The following FOXP2 variants were observed in gnomAD, a reference collection of about 807,000 sequenced individuals.
FOXP2 encodes the protein forkhead box protein P2.
In FOXP2, 12 loss-of-function variants were observed where a neutral mutation model predicts 115.8. The ratio of observed to expected loss-of-function variants is 0.10; its 90% CI spans 0.07 to 0.17. The LOEUF (loss-of-function observed/expected upper bound fraction) is 0.17. Among genes scored for constraint, FOXP2 ranks in the 10% least tolerant of loss-of-function variants. FOXP2 has a pLI of 1.00. For missense variants in FOXP2, 629 were observed against 843.5 expected, an observed-to-expected ratio of 0.75 and a Z score of 3.15; for synonymous variants, 328 against 297.7, an observed-to-expected ratio of 1.10 and a Z score of -1.05.
chr7:114,382,168 C>T (rs940635181), intron 2 of FOXP2, among the ~76,000 whole-genome samples: 3 of 152,242 alleles, frequency 2.0e-5, no homozygotes, highest in South Asian at 2.1e-4. Context: ...TAGGACCCTT[C>T]GGACAGTGAC....
At chr7:114,210,940 G>A (rs1045862665) in intron 1 of FOXP2, among the ~76,000 whole-genome samples, 17 of 152,216 alleles carry the variant, frequency 1.1e-4, no homozygotes, top group African/African-American at 1.2e-4. Flanking sequence ...AAACAGTTGT[G>A]CTGCATTGTG....
At chr7:114,405,896 C>T (rs971960618) in intron 2 of FOXP2, among the ~76,000 whole-genome samples, 22 of 151,628 alleles carry the variant, frequency 1.5e-4, no homozygotes, top group African/African-American at 5.3e-4. Flanking sequence ...CATGTGATAC[C>T]TGTATAGTCT....
At chr7:114,554,472 T>C (rs1800362458) in intron 3 of FOXP2, among the ~76,000 whole-genome samples, 1 of 152,214 alleles carries the variant, frequency 6.6e-6, no homozygotes, top group Non-Finnish European at 1.5e-5. Context: ...TAATTTCTAA[T>C]AGTAACACAG....
intron 2 of FOXP2, among the ~76,000 whole-genome samples, chr7:114,429,297 A>G (rs13238891): frequency 0.012 from 1,832 of 151,574 alleles, 20 homozygotes; most frequent in Middle Eastern, 0.037. Context: ...GAAAGCTAGG[A>G]TATCTTTAAA....
At chr7:114,518,626 C>T (rs1022021331) in intron 2 of FOXP2, among the ~76,000 whole-genome samples, 5 of 152,038 alleles carry the variant, frequency 3.3e-5, no homozygotes, top group African/African-American at 1.2e-4. Context: ...CCTCAGTCTC[C>T]TGAGTAGCTG....
At chr7:114,170,823 A>G (rs1562990600) in intron 1 of FOXP2, among the ~76,000 whole-genome samples, 1 of 152,266 alleles carries the variant, frequency 6.6e-6, no homozygotes, top group African/African-American at 2.4e-5. Flanking sequence ...AACTTCATAA[A>G]GTTTGAGGTG....
At position 114,151,416 on chromosome 7, in the gene FOXP2, C is replaced by T. The variant is rs141430829; in HGVS notation, c.-246-11528C>T. Among the ~76,000 whole-genome samples, 554 of 152,092 alleles carry T rather than the reference C, an allele frequency of 3.6e-3. 5 individuals carry two copies. Among genetic ancestry groups the T allele is most frequent in the African/African-American group, 0.013 (530 of 41,512 alleles). On this transcript the variant is annotated intron_variant, in intron 1 of 19. Transcript: ENST00000635638. Reference sequence around the variant, plus strand: ...AAAAATGACTATTTTTGTGAAACTTCTATTTAAGAAGTCATTGATTATTTT... The same window carrying T: ...AAAAATGACTATTTTTGTGAAACTTTTATTTAAGAAGTCATTGATTATTTT...
intron 1 of FOXP2, among the ~76,000 whole-genome samples, chr7:114,188,185 G>T (rs963579349): frequency 1.3e-5 from 2 of 152,142 alleles, no homozygotes; most frequent in African/African-American, 4.8e-5. Context: ...AGTGTAAATT[G>T]GATCATGTCA....
At chr7:114,271,793 T>C (rs1216405644) in intron 1 of FOXP2, among the ~76,000 whole-genome samples, 9 of 119,226 alleles carry the variant, frequency 7.5e-5, no homozygotes, top group African/African-American at 3.1e-4. Flanking sequence ...TAAATGTATG[T>C]CATATTATTT....
At chr7:114,243,395 C>A (rs1043880544) in intron 1 of FOXP2, among the ~76,000 whole-genome samples, 1 of 152,044 alleles carries the variant, frequency 6.6e-6, no homozygotes, top group Non-Finnish European at 1.5e-5. Context: ...GAAATAAGAG[C>A]CCAGGTTGAT....
chr7:114,447,886 T>A (rs1468974976), intron 2 of FOXP2, among the ~76,000 whole-genome samples: 1 of 152,132 alleles, frequency 6.6e-6, no homozygotes, highest in Non-Finnish European at 1.5e-5. Context: ...TAAATTTTGT[T>A]GAATGCAAAT....
intron 3 of FOXP2, among the ~76,000 whole-genome samples, chr7:114,580,108 A>T (rs1446067907): frequency 1.3e-5 from 2 of 152,214 alleles, no homozygotes; most frequent in African/African-American, 4.8e-5. Flanking sequence ...TTGAGTAAGG[A>T]AGTGGATGTA....
At chr7:114,636,343 A>T (rs181387862) in intron 6 of FOXP2, among the ~76,000 whole-genome samples, 10 of 152,288 alleles carry the variant, frequency 6.6e-5, no homozygotes, top group African/African-American at 2.2e-4. Flanking sequence ...ACAAAATTTA[A>T]GATGAAAACT....
In FOXP2 at chr7:114,534,637, A is replaced by T. The variant is rs1357512652; in HGVS notation, c.189A>T (p.Gln63His). 6.2e-7 allele frequency: 1 copy of T among 1,611,878 alleles called. No homozygotes were observed. Among genetic ancestry groups the T allele is most frequent in the Non-Finnish European group, 8.5e-7 (1 of 1,178,520 alleles). Reference protein sequence around the residue: ...QQQQALQAARQLLLQQQTSGL... With the variant: ...QQQQALQAARHLLLQQQTSGL... ...TCTAGGCTCTCCAGGCAGCAAGACA[A>T]CTTCTTTTACAGCAGCAAACAAGTG... The change falls in exon 3 of 17, where the codon CAA becomes CAT. Residue 63 changes from glutamine to histidine, a missense_variant. By Grantham distance (24) the Gln-to-His change is conservative. This residue lies in a region of FOXP2 where 91 missense variants were observed against 98.3 expected (regional missense o/e 0.93). Coordinates refer to ENST00000350908, the MANE Select transcript of FOXP2 (RefSeq NM_014491.4).
chr7:114,462,366 C>CTTT (rs1170387045), intron 2 of FOXP2, among the ~76,000 whole-genome samples: 1,142 of 89,270 alleles, frequency 0.013, 13 homozygotes, highest in African/African-American at 0.018. Context: ...AGCATAATAT[C>CTTT]TTTTTTTTTT....
chr7:114,664,274 C>G lies in FOXP2; in HGVS notation c.1841C>G (p.Ala614Gly), dbSNP rs765980369. ...YGAALNASLQ[A>G]ALAESSLPLL... ...TTTACACAATCTTCATTTCACTAGG[C>G]TGCCTTGGCAGAGAGCAGTTTACCT... The change falls in exon 16 of 17, where the codon GCT becomes GGT. Residue 614 changes from alanine (A) to glycine (G), a missense_variant and splice_region_variant. This residue lies in a region of FOXP2 where 40 missense variants were observed against 75.3 expected (regional missense o/e 0.53). Transcript: ENST00000350908. 3 of 1,612,900 alleles carry G rather than the reference C, an allele frequency of 1.9e-6. No homozygotes were observed. Among genetic ancestry groups the G allele is most frequent in the Non-Finnish European group, 2.5e-6 (3 of 1,179,548 alleles).
At chr7:114,354,025 T>G (rs1216883045) in intron 2 of FOXP2, among the ~76,000 whole-genome samples, 2 of 152,128 alleles carry the variant, frequency 1.3e-5, no homozygotes, top group Non-Finnish European at 2.9e-5. Flanking sequence ...AAGGTTAGCT[T>G]TTGAATTAGT....
intron 2 of FOXP2, among the ~76,000 whole-genome samples, chr7:114,310,510 C>A (rs117918998): frequency 0.012 from 1,671 of 143,840 alleles, 24 homozygotes; most frequent in African/African-American, 0.031. Flanking sequence ...GATTAGCTGT[C>A]TTTTTTTTTT....
chr7:114,640,557 C>T (rs1005916481), intron 6 of FOXP2, among the ~76,000 whole-genome samples: 4 of 152,168 alleles, frequency 2.6e-5, no homozygotes, highest in African/African-American at 7.2e-5. Context: ...CTGGCCAATA[C>T]TTAGATATAG....
Sources: allele counts gnomAD v4.1 joint callset (sites outside exome capture counted in the v4.1 genomes callset), GRCh38; gene constraint gnomAD v4.1.1; regional missense constraint gnomAD v4.1.1; transcripts MANE v1.5; gene names NCBI Gene and HGNC (gene_info 2026-07-23, HGNC 2026-07-21).